Variants in ARSB observed in about 807,000 individuals in gnomAD.
The protein encoded by ARSB is arylsulfatase B, also known as N-acetylgalactosamine-4-sulfatase.
Under a neutral mutation model 50.9 loss-of-function variants are expected in ARSB, and 41 were observed. That is an observed-to-expected ratio of 0.81 (90% CI 0.63 to 1.04). ARSB has a LOEUF of 1.04. ARSB is among the 50% of genes least tolerant of loss of function. The pLI is 0.00. For synonymous variants in ARSB, 269 were observed against 284.8 expected, an observed-to-expected ratio of 0.94 and a Z score of 0.56; for missense variants, 672 against 693.3, an observed-to-expected ratio of 0.97 and a Z score of 0.35.
chr5:78,859,049 A>G (rs993247880), intron 5 of ARSB, among the ~76,000 whole-genome samples: 1 of 152,200 alleles, frequency 6.6e-6, no homozygotes, highest in Non-Finnish European at 1.5e-5. Context: ...CCGATTTTTA[A>G]CCACTATCCC....
intron 6 of ARSB, among the ~76,000 whole-genome samples, chr5:78,791,953 C>G (rs1344559421): frequency 6.6e-6 from 1 of 151,996 alleles, no homozygotes; most frequent in Admixed American, 6.6e-5. Context: ...TTCTGGCTTC[C>G]TTGAGCCACA....
At chr5:78,933,042 T>C (rs1401152815) in intron 4 of ARSB, among the ~76,000 whole-genome samples, 1 of 152,188 alleles carries the variant, frequency 6.6e-6, no homozygotes, top group Non-Finnish European at 1.5e-5. Flanking sequence ...AGCAAGTGGG[T>C]TGGATAGCTA....
intron 5 of ARSB, chr5:78,885,199 T>C (rs1747952197): frequency 3.6e-6 from 1 of 278,132 alleles, no homozygotes; most frequent in African/African-American, 2.2e-5. Flanking sequence ...AACATATCCC[T>C]AGTTCCTATT....
chr5:78,791,527 A>G (rs115334636), intron 6 of ARSB, among the ~76,000 whole-genome samples: 2,595 of 152,296 alleles, frequency 0.017, 81 homozygotes, highest in African/African-American at 0.059. Context: ...AGAGCCCGTG[A>G]GTCCCCCTCC....
chr5:78,967,676 A>T (rs1043085335), intron 2 of ARSB, among the ~76,000 whole-genome samples: 1 of 149,422 alleles, frequency 6.7e-6, no homozygotes, highest in Admixed American at 6.7e-5. Context: ...CCGTATATAA[A>T]AAAAAAAAAA....
At chr5:78,787,015 GA>G (rs1331690097) in intron 6 of ARSB, among the ~76,000 whole-genome samples, 3 of 151,994 alleles carry the variant, frequency 2.0e-5, no homozygotes, top group Non-Finnish European at 4.4e-5. Context: ...AAACCCAATT[GA>G]CCATAAGCAT....
chr5:78,893,740 C>T (rs1251398543), intron 4 of ARSB, among the ~76,000 whole-genome samples: 3 of 152,160 alleles, frequency 2.0e-5, no homozygotes, highest in Non-Finnish European at 4.4e-5. Flanking sequence ...TTGAGGTGCT[C>T]TCACTTAGGA....
chr5:78,872,056 C>T (rs1267293381), intron 5 of ARSB, among the ~76,000 whole-genome samples: 1 of 150,656 alleles, frequency 6.6e-6, no homozygotes, highest in South Asian at 2.1e-4. Flanking sequence ...CCAAAAAACA[C>T]ATGAAAAAAT....
At chr5:78,973,649 T>A (rs1411664303) in intron 1 of ARSB, among the ~76,000 whole-genome samples, 1 of 152,166 alleles carries the variant, frequency 6.6e-6, no homozygotes, top group Non-Finnish European at 1.5e-5. Context: ...AACTCCCCTT[T>A]CAGAGGTCCA....
At chr5:78,900,283 G>A (rs911184329) in intron 4 of ARSB, among the ~76,000 whole-genome samples, 13 of 152,138 alleles carry the variant, frequency 8.5e-5, no homozygotes, top group Admixed American at 2.6e-4. Flanking sequence ...TCCAGGGTTG[G>A]GGATGGTAGT....
Position 78,901,812 on chromosome 5 carries a change from A to T in ARSB, c.899-15985T>A, listed in dbSNP as rs1748822613. On this transcript the variant is annotated intron_variant, in intron 4 of 7. Transcript: ENST00000264914. ...AGTCATCCAAGAGGCACAAACTAAA[A>T]CCATAAGAAGATACCACTTTATACC... Among the ~76,000 whole-genome samples the T allele has an allele frequency of 2.6e-5, 4 of 152,252 alleles. No individual in the cohort carries two copies. The South Asian group carries it at 8.3e-4, about 32-fold the overall frequency.
chr5:78,914,260 C>T (rs1474585862), intron 4 of ARSB, among the ~76,000 whole-genome samples: 1 of 152,036 alleles, frequency 6.6e-6, no homozygotes, highest in Non-Finnish European at 1.5e-5. Flanking sequence ...CCACTGTGCC[C>T]AGCAGCCACA....
At chr5:78,871,542 C>T (rs1747176465) in intron 5 of ARSB, among the ~76,000 whole-genome samples, 1 of 149,628 alleles carries the variant, frequency 6.7e-6, no homozygotes, top group African/African-American at 2.4e-5. Flanking sequence ...CTTTGACAAA[C>T]CTGAGAAAAA....
intron 6 of ARSB, among the ~76,000 whole-genome samples, chr5:78,818,729 T>C (rs988500880): frequency 5.4e-5 from 8 of 147,710 alleles, no homozygotes; most frequent in Non-Finnish European, 1.2e-4. Flanking sequence ...GCCATTCTCC[T>C]GCCTCAGCCT....
At chr5:78,970,199 T>C (rs1178791240) in intron 1 of ARSB, among the ~76,000 whole-genome samples, 4 of 152,156 alleles carry the variant, frequency 2.6e-5, no homozygotes, top group African/African-American at 9.7e-5. Flanking sequence ...ACTACACATC[T>C]TTGTGGGGCC....
chr5:78,967,219 T>C (rs1017256535), intron 2 of ARSB, among the ~76,000 whole-genome samples: 2 of 152,226 alleles, frequency 1.3e-5, no homozygotes, highest in Non-Finnish European at 2.9e-5. Flanking sequence ...TTTAAAGATG[T>C]TGTCCACCTT....
intron 4 of ARSB, among the ~76,000 whole-genome samples, chr5:78,953,576 C>T (rs1242582280): frequency 6.6e-6 from 1 of 152,162 alleles, no homozygotes; most frequent in Non-Finnish European, 1.5e-5. Flanking sequence ...AACAAAACCA[C>T]AAAAGTATGA....
intron 6 of ARSB, among the ~76,000 whole-genome samples, chr5:78,791,150 A>C (rs2112631565): frequency 6.6e-6 from 1 of 152,374 alleles, no homozygotes; most frequent in Admixed American, 6.5e-5. Context: ...ATTTACTTAC[A>C]GTAAAACTTA....
At chr5:78,926,305 C>CCATTCTGCCTCCATTATGTTG (rs1750047801) in intron 4 of ARSB, among the ~76,000 whole-genome samples, 1 of 152,156 alleles carries the variant, frequency 6.6e-6, no homozygotes, top group African/African-American at 2.4e-5. Flanking sequence ...CTTTCTTTCC[C>CCATTCTGCCTCCATTATGTTG]CATTCTGCCT....
Sources: allele counts gnomAD v4.1 joint callset (sites outside exome capture counted in the v4.1 genomes callset), GRCh38; gene constraint gnomAD v4.1.1; transcripts MANE v1.5; gene names NCBI Gene and HGNC (gene_info 2026-07-23, HGNC 2026-07-21).